PACS1: variants seen among roughly 807,000 people sequenced by gnomAD.
PACS1 encodes PACS-1.
In PACS1, 24 loss-of-function variants were observed where a neutral mutation model predicts 115.0. The observed-to-expected ratio is 0.21, with a 90% CI of 0.15 to 0.29. The LOEUF (loss-of-function observed/expected upper bound fraction) is 0.29. PACS1 is among the 10% of genes least tolerant of loss of function. PACS1 has a pLI of 1.00. For synonymous variants in PACS1, 453 were observed against 504.5 expected (o/e 0.90, Z 1.37); for missense variants, 838 against 1,251.2 (o/e 0.67, Z 4.98).
chr11:66,099,255 G>A (rs1352179837), intron 1 of PACS1, among the ~76,000 whole-genome samples: 1 of 151,902 alleles, frequency 6.6e-6, no homozygotes, highest in African/African-American at 2.4e-5. Context: ...ACAGAGTGTC[G>A]CTCTGTCGCC....
In PACS1 at chr11:66,227,592, TG is replaced by T. The variant is rs1590834287; in HGVS notation, c.1374+11del. On this transcript the variant is annotated intron_variant, in intron 11 of 23. Transcript: ENST00000320580. ...ACTGAAACAGACACTCTGGTATGTA[TG>T]GGTCAGTTTCCTGTTTCAGCTGTTT... 1.1e-5 allele frequency: 17 copies of T among 1,565,580 alleles called. No homozygotes were observed. Among genetic ancestry groups the T allele is most frequent in the Non-Finnish European group, 1.5e-5 (17 of 1,145,614 alleles).
At position 66,204,720 on chromosome 11, in the gene PACS1, T is replaced by C. The variant is rs1392042455; in HGVS notation, c.445-5642T>C. 2.0e-5 allele frequency among the ~76,000 whole-genome samples: 3 copies of C among 152,158 alleles called. No homozygotes were observed. The East Asian group carries it at 5.8e-4, about 29-fold the overall frequency. ...CAGGTACAGAAAGACATACTTTGAA[T>C]GTTCTCACTTACTTCTGGGAGTTAA... On this transcript the variant is annotated intron_variant, in intron 2 of 23. Coordinates refer to ENST00000320580, the MANE Select transcript of PACS1 (RefSeq NM_018026.4).
Position 66,184,423 on chromosome 11 carries a change from A to G in PACS1, c.357-9063A>G, listed in dbSNP as rs118014888. On this transcript the variant is annotated intron_variant, in intron 1 of 23. Coordinates refer to ENST00000320580, the MANE Select transcript of PACS1 (RefSeq NM_018026.4). ...TGAGAGTAGGTTAGAAACAGCTGTT[A>G]AATGCAAGTTGAGGATCATTTGTAG... 8.3e-3 allele frequency among the ~76,000 whole-genome samples: 1,266 copies of G among 152,122 alleles called. 87 individuals carry two copies. The East Asian group carries it at 0.17, about 21-fold the overall frequency.
chr11:66,212,830 C>T (rs1855107616), intron 4 of PACS1, among the ~76,000 whole-genome samples: 1 of 152,080 alleles, frequency 6.6e-6, no homozygotes. Context: ...CCATTCCTTA[C>T]ATATTTATTA....
In PACS1 at chr11:66,244,365, C is replaced by G. The variant is rs1284121762; in HGVS notation, c.*1085C>G. The G allele has an allele frequency of 6.5e-6, 1 of 152,950 alleles. No individual in the cohort carries two copies. The highest frequency in any genetic ancestry group is 1.5e-5 in the Non-Finnish European group (1 of 68,562). The allele number at this position is 152,950 out of a possible 1,614,324, so 9.5% of individuals were successfully genotyped here. Reference sequence around the variant, plus strand: ...CAGCCAGGTTTCCCTCCAGCAGGCTCCTTCCCTCCCTGTCACCTCCCTCTC... The same window carrying G: ...CAGCCAGGTTTCCCTCCAGCAGGCTGCTTCCCTCCCTGTCACCTCCCTCTC... On this transcript the variant is annotated 3_prime_UTR_variant, in exon 24 of 24. Transcript: ENST00000320580.
intron 1 of PACS1, among the ~76,000 whole-genome samples, chr11:66,096,564 C>T (rs502461): frequency 0.019 from 2,855 of 147,586 alleles, 76 homozygotes; most frequent in Admixed American, 0.057. Flanking sequence ...AGTGCAATGG[C>T]GTGATCTTGG....
chr11:66,100,773 G>T, intron 1 of PACS1: 1 of 456,300 alleles, frequency 2.2e-6, no homozygotes, highest in Non-Finnish European at 4.4e-6. Flanking sequence ...CTCACCGTGT[G>T]ATGTCTGGCA....
chr11:66,100,021 C>T (rs527709934), intron 1 of PACS1, among the ~76,000 whole-genome samples: 85 of 152,212 alleles, frequency 5.6e-4, no homozygotes, highest in African/African-American at 2.0e-3. Flanking sequence ...GCTGGGATTA[C>T]AGACATCCGC....
chr11:66,117,263 C>A (rs1279106346), intron 1 of PACS1, among the ~76,000 whole-genome samples: 1 of 151,748 alleles, frequency 6.6e-6, no homozygotes, highest in Non-Finnish European at 1.5e-5. Flanking sequence ...GAGTTTGAAG[C>A]CAGCCTAGCC....
chr11:66,182,925 T>C (rs1448620333), intron 1 of PACS1, among the ~76,000 whole-genome samples: 1 of 151,716 alleles, frequency 6.6e-6, no homozygotes, highest in Non-Finnish European at 1.5e-5. Flanking sequence ...TGAACTGGAG[T>C]TTGAGACCAG....
chr11:66,188,932 A>G (rs553092910), intron 1 of PACS1, among the ~76,000 whole-genome samples: 1 of 152,236 alleles, frequency 6.6e-6, no homozygotes. Flanking sequence ...AAAATGCTTT[A>G]TACCAACTTC....
intron 1 of PACS1, among the ~76,000 whole-genome samples, chr11:66,192,188 CTT>C (rs1001119450): frequency 2.0e-5 from 3 of 152,052 alleles, no homozygotes; most frequent in African/African-American, 7.2e-5. Flanking sequence ...TTTTAGGAAA[CTT>C]AATGTAACAA....
At chr11:66,105,353 G>A (rs1858012810) in intron 1 of PACS1, among the ~76,000 whole-genome samples, 2 of 152,152 alleles carry the variant, frequency 1.3e-5, no homozygotes, top group South Asian at 2.1e-4. Flanking sequence ...AACCGGGGAG[G>A]CAGAGGTTGC....
intron 1 of PACS1, among the ~76,000 whole-genome samples, chr11:66,085,567 T>A (rs1475319585): frequency 6.6e-6 from 1 of 152,238 alleles, no homozygotes; most frequent in African/African-American, 2.4e-5. Flanking sequence ...TAGTTAAGTA[T>A]ATTATTCAAC....
chr11:66,114,349 C>G (rs1188651618), intron 1 of PACS1, among the ~76,000 whole-genome samples: 1 of 148,742 alleles, frequency 6.7e-6, no homozygotes, highest in African/African-American at 2.5e-5. Context: ...ACCCAGGAGG[C>G]AGAGGTTGCA....
intron 1 of PACS1, among the ~76,000 whole-genome samples, chr11:66,072,622 G>A (rs1434433237): frequency 6.6e-6 from 1 of 152,168 alleles, no homozygotes; most frequent in Non-Finnish European, 1.5e-5. Context: ...TCAAGCGAGA[G>A]TTGAGTATGT....
At chr11:66,193,398 A>G (rs1308036182) in intron 1 of PACS1, 88 bp from the exon 2 acceptor site, 4 of 831,850 alleles carry the variant, frequency 4.8e-6, no homozygotes, top group Admixed American at 1.9e-5. Flanking sequence ...TTCTTACTTC[A>G]GGTAAGGCAG....
At chr11:66,077,120 T>G (rs1857412269) in intron 1 of PACS1, among the ~76,000 whole-genome samples, 1 of 152,190 alleles carries the variant, frequency 6.6e-6, no homozygotes, top group South Asian at 2.1e-4. Flanking sequence ...CCCCGTTATC[T>G]CATTAAAAAC....
At chr11:66,164,650 T>C (rs1485751229) in intron 1 of PACS1, among the ~76,000 whole-genome samples, 6 of 106,332 alleles carry the variant, frequency 5.6e-5, no homozygotes, top group Non-Finnish European at 4.1e-5. Flanking sequence ...AGTCTCATTA[T>C]GTTGCCCAGG....
Sources: gnomAD v4.1 joint callset for allele counts (sites outside exome capture counted in the v4.1 genomes callset) on GRCh38, gnomAD v4.1.1 for gene constraint, MANE v1.5 for transcripts, NCBI Gene and HGNC (gene_info 2026-07-23, HGNC 2026-07-21) for gene names.